The following SOBP variants were observed in gnomAD, a reference collection of about 807,000 sequenced individuals.
The protein encoded by SOBP is sine oculis binding protein homolog.
In SOBP, 4 loss-of-function variants were observed where a neutral mutation model predicts 53.6. That is an observed-to-expected ratio of 0.07 (90% CI 0.04 to 0.17). The LOEUF is 0.17. Ranked by LOEUF, SOBP falls within the 10% of genes least tolerant of loss-of-function variation. The probability of loss-of-function intolerance (pLI) is 1.00; values close to 1 mark genes in which losing one functional copy is unlikely to be tolerated. For synonymous variants in SOBP, 584 were observed against 522.6 expected, an observed-to-expected ratio of 1.12 and a Z score of -1.60; for missense variants, 1,088 against 1,204.7, an observed-to-expected ratio of 0.90 and a Z score of 1.43.
intron 4 of SOBP, among the ~76,000 whole-genome samples, chr6:107,548,957 AAATAAATT>A (rs1370350344): frequency 6.6e-6 from 1 of 152,036 alleles, no homozygotes; most frequent in Non-Finnish European, 1.5e-5. Flanking sequence ...ATAAATAAAT[AAATAAATT>A]GAATTAAAAA....
At chr6:107,513,341 C>G (rs1391450290) in intron 3 of SOBP, among the ~76,000 whole-genome samples, 1 of 152,166 alleles carries the variant, frequency 6.6e-6, no homozygotes, top group African/African-American at 2.4e-5. Context: ...AAGAACTGGA[C>G]TCTAAGGAAC....
chr6:107,635,234 C>T lies in SOBP; in HGVS notation c.2390C>T (p.Ala797Val), dbSNP rs765342453. 3 of 1,613,792 alleles carry T rather than the reference C, an allele frequency of 1.9e-6. No individual in the cohort carries two copies. The highest frequency in any genetic ancestry group is 1.7e-5 in the Admixed American group (1 of 60,004). The change falls in exon 6 of 7, where the codon GCG (alanine) becomes GTG (valine). Residue 797 changes from alanine to valine, a missense_variant. Physicochemically the swap from Ala to Val is moderately conservative, Grantham distance 64. Around this residue, in one of 6 missense-constraint regions of SOBP, gnomAD observed 665 missense variants for 629.7 expected, o/e 1.06. Coordinates refer to ENST00000317357, the MANE Select transcript of SOBP (RefSeq NM_018013.4). This position sits in a 1 kb window ranked among gnomAD's most constrained non-coding sequence, Gnocchi z 4.5. ...AKKLMGEEALAGGDKSDPNLN... is the reference protein window; with the variant it reads ...AKKLMGEEALVGGDKSDPNLN... ...AAGCTGATGGGCGAGGAGGCCCTGG[C>T]GGGGGGCGACAAGTCAGACCCGAAC...
In SOBP at chr6:107,490,530, A is replaced by ACCACCT. The variant is rs918981570; in HGVS notation, c.-81_-76dup. On this transcript the variant is annotated 5_prime_UTR_variant, in exon 1 of 7. Transcript: ENST00000317357. ...CTCCGCCAGCCTCGCCACCATCAGC[A>ACCACCT]CCACCTCCACCGCCGCCGCCGCCGC... The ACCACCT allele has an allele frequency of 8.6e-6, 8 of 925,628 alleles. No homozygotes were observed. In the African/African-American group the frequency reaches 1.4e-4, roughly 16 times the overall value. The allele number at this position is 925,628 out of a possible 1,614,324, so 57.3% of individuals were successfully genotyped here.
chr6:107,611,798 T>G (rs574575083), intron 5 of SOBP, among the ~76,000 whole-genome samples: 1 of 152,306 alleles, frequency 6.6e-6, no homozygotes, highest in South Asian at 2.1e-4. Context: ...AACAGTCAAA[T>G]GAGCAGGAAT....
chr6:107,638,752 G>T (rs894813998), intron 6 of SOBP, among the ~76,000 whole-genome samples: 16 of 152,070 alleles, frequency 1.1e-4, no homozygotes, highest in African/African-American at 3.9e-4. Flanking sequence ...ATTTCTCCGT[G>T]TGCTTGTTGG....
chr6:107,503,110 C>T lies in SOBP; in HGVS notation c.97-547C>T, dbSNP rs77300938. Among the ~76,000 whole-genome samples, 1,030 of 152,270 alleles carry T rather than the reference C, an allele frequency of 6.8e-3. 6 individuals are homozygous for T. Among genetic ancestry groups the T allele is most frequent in the African/African-American group, 0.024 (986 of 41,562 alleles). On this transcript the variant is annotated intron_variant, in intron 1 of 6. Transcript: ENST00000317357. ...AGGAAAAAAATAAAAAAGGAAGACC[C>T]TTGTAACCTATTGTAACCTAGCTTT...
chr6:107,542,718 A>G (rs530101146), intron 4 of SOBP, among the ~76,000 whole-genome samples: 1 of 152,256 alleles, frequency 6.6e-6, no homozygotes, highest in Non-Finnish European at 1.5e-5. Flanking sequence ...AAGTGTATTG[A>G]ACCAATTTAG....
chr6:107,524,566 T>C (rs1334661580), intron 3 of SOBP, among the ~76,000 whole-genome samples: 1 of 152,204 alleles, frequency 6.6e-6, no homozygotes, highest in Non-Finnish European at 1.5e-5. Context: ...GCCTTCTCTG[T>C]ATTTGATGCA....
In SOBP at chr6:107,580,668, T is replaced by C. The variant is rs138370667; in HGVS notation, c.574-6412T>C. The stretch of plus-strand genomic sequence containing the variant: ...ATGGACTTTTGAGGATGAGAATTTG[T>C]TGGGCAAAGACCAGAGGATCAATTC... On this transcript the variant is annotated intron_variant, in intron 4 of 6. Coordinates refer to ENST00000317357, the MANE Select transcript of SOBP (RefSeq NM_018013.4). 7.5e-4 allele frequency among the ~76,000 whole-genome samples: 114 copies of C among 152,306 alleles called. 2 individuals carry two copies. In the East Asian group the frequency reaches 9.1e-3, roughly 12 times the overall value.
chr6:107,562,194 T>G (rs1421355166), intron 4 of SOBP, among the ~76,000 whole-genome samples: 2 of 151,980 alleles, frequency 1.3e-5, no homozygotes, highest in Non-Finnish European at 2.9e-5. Context: ...CAGTTTTGTA[T>G]TTTTAGTAGA....
At chr6:107,492,547 G>T (rs577356258) in intron 1 of SOBP, among the ~76,000 whole-genome samples, 1 of 152,196 alleles carries the variant, frequency 6.6e-6, no homozygotes, top group Non-Finnish European at 1.5e-5. Context: ...GGCTGCAGGC[G>T]CAGTCCGTGG....
At chr6:107,613,282 G>C (rs1347711933) in intron 5 of SOBP, among the ~76,000 whole-genome samples, 1 of 152,222 alleles carries the variant, frequency 6.6e-6, no homozygotes, top group Admixed American at 6.5e-5. Context: ...AACATTTAGA[G>C]TTTCTCGAAG....
Position 107,587,185 on chromosome 6 carries a change from A to C in SOBP, c.669+10A>C. The C allele has an allele frequency of 6.3e-7, 1 of 1,599,090 alleles. No homozygotes were observed. Among genetic ancestry groups the C allele is most frequent in the Non-Finnish European group, 8.6e-7 (1 of 1,167,100 alleles). The stretch of plus-strand genomic sequence containing the variant: ...TAACTGCGAACTACTTGTAAGAATA[A>C]CATACTTACAACAAGTCTAGAATGT... On this transcript the variant is annotated intron_variant, in intron 5 of 6. Coordinates refer to ENST00000317357, the MANE Select transcript of SOBP (RefSeq NM_018013.4).
chr6:107,518,719 T>C (rs1191683950), intron 3 of SOBP, among the ~76,000 whole-genome samples: 1 of 151,024 alleles, frequency 6.6e-6, no homozygotes, highest in Non-Finnish European at 1.5e-5. Flanking sequence ...GAACTGTGTG[T>C]ATATCATATG....
chr6:107,650,140 T>C (rs1771741879), intron 6 of SOBP, among the ~76,000 whole-genome samples: 14 of 152,216 alleles, frequency 9.2e-5, no homozygotes, highest in Admixed American at 8.5e-4. Flanking sequence ...CAAGGCCTTA[T>C]AATTGGTTAA....
intron 5 of SOBP, among the ~76,000 whole-genome samples, chr6:107,618,878 T>C (rs1786901752): frequency 6.6e-6 from 1 of 152,098 alleles, no homozygotes. Flanking sequence ...TAACTAGAAC[T>C]GAGAGGACAG....
chr6:107,610,946 G>T (rs1160606372), intron 5 of SOBP, among the ~76,000 whole-genome samples: 1 of 152,236 alleles, frequency 6.6e-6, no homozygotes, highest in Admixed American at 6.5e-5. Context: ...TGTAGAGTAT[G>T]AATTTAATAC....
At chr6:107,649,022 T>A (rs985249841) in intron 6 of SOBP, among the ~76,000 whole-genome samples, 1 of 151,294 alleles carries the variant, frequency 6.6e-6, no homozygotes. Context: ...CTACAAAAAA[T>A]TTAAAAATTA....
rs76346635 is a variant in SOBP at position 107,524,947 on chromosome 6, A to G, written c.422-8512A>G. 4.0e-3 allele frequency among the ~76,000 whole-genome samples: 605 copies of G among 152,334 alleles called. 6 individuals carry two copies. Among genetic ancestry groups the G allele is most frequent in the African/African-American group, 0.014 (589 of 41,578 alleles). On this transcript the variant is annotated intron_variant, in intron 3 of 6. Transcript: ENST00000317357. ...GGCACACTCTCTCTCCTTTTCAAAG[A>G]TTCTTAATTGTACATTGGTGGAAAC...
Sources: gnomAD v4.1 joint callset for allele counts (sites outside exome capture counted in the v4.1 genomes callset) on GRCh38, gnomAD v4.1.1 for gene constraint, gnomAD v4.1.1 regional missense constraint, Gnocchi (gnomAD v3.1) non-coding constraint, MANE v1.5 for transcripts, NCBI Gene and HGNC (gene_info 2026-07-23, HGNC 2026-07-21) for gene names.